VSTM2L: variants seen among roughly 807,000 people sequenced by gnomAD.
VSTM2L encodes V-set and transmembrane domain containing 2 like.
In VSTM2L, 9 loss-of-function variants were observed where a neutral mutation model predicts 19.9. That is an observed-to-expected ratio of 0.45 (90% CI 0.27 to 0.79). The LOEUF (loss-of-function observed/expected upper bound fraction) is 0.79, where lower values mean the gene tolerates loss of function less well. VSTM2L is among the 30% of genes least tolerant of loss of function. The pLI is 0.15. For synonymous variants in VSTM2L, 127 were observed against 133.8 expected (o/e 0.95, Z 0.35); for missense variants, 286 against 295.5 (o/e 0.97, Z 0.24).
chr20:37,914,261 GTA>G (rs2072798160), intron 1 of VSTM2L, among the ~76,000 whole-genome samples: 2 of 150,170 alleles, frequency 1.3e-5, no homozygotes, highest in African/African-American at 4.9e-5. Context: ...GTATATCTGT[GTA>G]TGTGTGGTGT....
At chr20:37,911,946 G>A (rs540839438) in intron 1 of VSTM2L, among the ~76,000 whole-genome samples, 58 of 152,260 alleles carry the variant, frequency 3.8e-4, no homozygotes, top group Non-Finnish European at 7.6e-4. Flanking sequence ...GGAGCTGGTG[G>A]GAGTGGTAGG....
chr20:37,936,924 TAA>T (rs373948819), intron 3 of VSTM2L, among the ~76,000 whole-genome samples: 2 of 145,106 alleles, frequency 1.4e-5, no homozygotes, highest in South Asian at 2.2e-4. Flanking sequence ...GGCAAGGGAA[TAA>T]AAAAAAAAAA....
chr20:37,944,152 C>A lies in VSTM2L; in HGVS notation c.514C>A (p.His172Asn), dbSNP rs762474084. The A allele has an allele frequency of 6.3e-6, 10 of 1,595,878 alleles. No homozygotes were observed. In the East Asian group the frequency reaches 2.3e-4, roughly 36 times the overall value. Residue 172 changes from histidine to asparagine, a missense_variant, in exon 4 of 4, where the codon CAT (histidine) becomes AAT (asparagine). Transcript: ENST00000373461. ...GCAGCCAGGGGAGAACTCCGTCCTGCATCTGCCCGAAGCCCCTCCCGCCGC... is the reference window on the plus strand; with the variant it reads ...GCAGCCAGGGGAGAACTCCGTCCTGAATCTGCCCGAAGCCCCTCCCGCCGC... ...RVQPGENSVL[H>N]LPEAPPAAPA...
At chr20:37,928,295 G>A (rs772564813) in intron 1 of VSTM2L, among the ~76,000 whole-genome samples, 4 of 152,190 alleles carry the variant, frequency 2.6e-5, no homozygotes, top group South Asian at 2.1e-4. Context: ...GGCTCTTCCC[G>A]TGCAGGCTCC....
At chr20:37,909,473 A>T (rs1568833623) in intron 1 of VSTM2L, among the ~76,000 whole-genome samples, 1 of 152,206 alleles carries the variant, frequency 6.6e-6, no homozygotes, top group African/African-American at 2.4e-5. Context: ...GAATGAATGA[A>T]TGGATGACGA....
In VSTM2L at chr20:37,944,381, T is replaced by C. The variant is rs186811984; in HGVS notation, c.*128T>C. 1.4e-3 allele frequency: 1,781 copies of C among 1,280,540 alleles called. 22 individuals are homozygous for C. In the African/African-American group the frequency reaches 0.023, roughly 17 times the overall value. The allele number at this position is 1,280,540 out of a possible 1,614,324, so 79.3% of individuals were successfully genotyped here. On this transcript the variant is annotated 3_prime_UTR_variant, in exon 4 of 4. Transcript: ENST00000373461. ...TCCCCGAGGCCGCCTGTGGCCACCA[T>C]GTCGGCCCTCTTTCCACCACCCCTT... is the stretch of plus-strand genomic sequence containing the variant.
chr20:37,907,670 TACAC>T (rs372225795), intron 1 of VSTM2L, among the ~76,000 whole-genome samples: 1 of 136,712 alleles, frequency 7.3e-6, no homozygotes, highest in Non-Finnish European at 1.6e-5. Flanking sequence ...CACACACCCC[TACAC>T]ACACACACAC....
rs150114807 is a variant in VSTM2L, at chr20:37,931,670, C to T, written c.157C>T (p.Arg53Trp). ...FTETPHDMTA[R>W]TGEDVEMACS... Reference sequence around the variant, plus strand: ...AGAGACACCCCATGACATGACAGCACGGACGGGCGAGGACGTGGAGATGGC... The same window carrying T: ...AGAGACACCCCATGACATGACAGCATGGACGGGCGAGGACGTGGAGATGGC... Residue 53 changes from arginine (R) to tryptophan (W), a missense_variant, in exon 2 of 4, where the codon CGG becomes TGG. Transcript: ENST00000373461. 3.0e-5 allele frequency: 48 copies of T among 1,613,410 alleles called. No individual in the cohort carries two copies. The highest frequency in any genetic ancestry group is 4.5e-5 in the East Asian group (2 of 44,876).
At chr20:37,936,095 C>T (rs1342372244) in intron 3 of VSTM2L, among the ~76,000 whole-genome samples, 2 of 151,022 alleles carry the variant, frequency 1.3e-5, no homozygotes, top group East Asian at 3.9e-4. Context: ...AGGGTTTCAC[C>T]ATGTTGACCA....
At chr20:37,904,492 T>C (rs2072740325) in intron 1 of VSTM2L, among the ~76,000 whole-genome samples, 1 of 152,248 alleles carries the variant, frequency 6.6e-6, no homozygotes, top group South Asian at 2.1e-4. Context: ...TTGGACTGTA[T>C]GAGCCCGGCA....
At chr20:37,907,903 C>T (rs1177079134) in intron 1 of VSTM2L, among the ~76,000 whole-genome samples, 1 of 152,192 alleles carries the variant, frequency 6.6e-6, no homozygotes, top group Non-Finnish European at 1.5e-5. Context: ...TCCTCGCATT[C>T]CTTACTGAAC....
chr20:37,928,562 C>T (rs1375728690), intron 1 of VSTM2L, among the ~76,000 whole-genome samples: 1 of 152,194 alleles, frequency 6.6e-6, no homozygotes, highest in Non-Finnish European at 1.5e-5. Context: ...CAAGTCCAGC[C>T]TGGGCAAAAA....
At chr20:37,936,708 C>T (rs2072942667) in intron 3 of VSTM2L, among the ~76,000 whole-genome samples, 1 of 152,186 alleles carries the variant, frequency 6.6e-6, no homozygotes, top group South Asian at 2.1e-4. Context: ...GTCCCAGGAG[C>T]TGAGTCCTGG....
chr20:37,931,922 AC>A, intron 2 of VSTM2L, 118 bp downstream of exon 2: 1 of 1,180,534 alleles, frequency 8.5e-7, no homozygotes, highest in Non-Finnish European at 1.2e-6. Context: ...TGTTCTCCAC[AC>A]CACACAGCTG....
In VSTM2L at chr20:37,933,527, C is replaced by T. The variant is rs377174284; in HGVS notation, c.292-12C>T. 346 of 1,613,538 alleles carry T rather than the reference C, an allele frequency of 2.1e-4. 1 individual carries two copies. The highest frequency in any genetic ancestry group is 2.4e-4 in the Non-Finnish European group (283 of 1,179,838). On this transcript the variant is annotated splice_polypyrimidine_tract_variant and intron_variant, in intron 2 of 3. Coordinates refer to ENST00000373461, the MANE Select transcript of VSTM2L (RefSeq NM_080607.3). ...TGTCTCTGCTCTCTCCGCCCCTCCCCGATCCCAACAGCTAAAAGCATCTCA... is the reference window on the plus strand; with the variant it reads ...TGTCTCTGCTCTCTCCGCCCCTCCCTGATCCCAACAGCTAAAAGCATCTCA...
At chr20:37,923,728 G>C (rs1229691480) in intron 1 of VSTM2L, among the ~76,000 whole-genome samples, 1 of 152,198 alleles carries the variant, frequency 6.6e-6, no homozygotes, top group Non-Finnish European at 1.5e-5. Flanking sequence ...ATTAGGGTCT[G>C]GGTAGCTGGA....
chr20:37,942,887 A>G (rs1300864956), intron 3 of VSTM2L, among the ~76,000 whole-genome samples: 2 of 152,262 alleles, frequency 1.3e-5, no homozygotes, highest in African/African-American at 4.8e-5. Flanking sequence ...AAGTGGAGTG[A>G]ATAGTTATTA....
chr20:37,921,946 G>A (rs998242955), intron 1 of VSTM2L, among the ~76,000 whole-genome samples: 1 of 146,922 alleles, frequency 6.8e-6, no homozygotes, highest in African/African-American at 2.5e-5. Context: ...GGGCCCCAGC[G>A]ATCTTCCCAC....
chr20:37,904,165 T>C (rs777973031), intron 1 of VSTM2L, among the ~76,000 whole-genome samples: 6 of 152,078 alleles, frequency 3.9e-5, no homozygotes, highest in Non-Finnish European at 8.8e-5. Context: ...AGCCTCCCAG[T>C]TGGGCGGGTG....
Sources: allele counts gnomAD v4.1 joint callset (sites outside exome capture counted in the v4.1 genomes callset), GRCh38; gene constraint gnomAD v4.1.1; transcripts MANE v1.5; gene names NCBI Gene and HGNC (gene_info 2026-07-23, HGNC 2026-07-21).